Variants in ART3 observed in about 807,000 individuals in gnomAD.
ART3 encodes the protein ADP-ribosyltransferase 3 (inactive), also known as ecto-ADP-ribosyltransferase 3.
ART3 carries 49 observed loss-of-function variants against 48.5 expected under a neutral mutation model. That is an observed-to-expected ratio of 1.01 (90% CI 0.80 to 1.28). The LOEUF is 1.28. Among genes scored for constraint, ART3 ranks in the 50% most tolerant of loss-of-function variants. The probability of loss-of-function intolerance (pLI) is 0.00; values close to 1 mark genes in which losing one functional copy is unlikely to be tolerated. For synonymous variants in ART3, 145 were observed against 157.2 expected (o/e 0.92, Z 0.58); for missense variants, 438 against 454.3 (o/e 0.96, Z 0.33).
At chr4:76,096,646 T>G (rs144124054) in intron 3 of ART3, among the ~76,000 whole-genome samples, 2 of 152,242 alleles carry the variant, frequency 1.3e-5, no homozygotes, top group Non-Finnish European at 2.9e-5. Context: ...CTTACCTTAC[T>G]GCTGTTGGCT....
chr4:76,112,271 TA>T (rs1316398895), intron 11 of ART3, 114 bp from the exon 12 acceptor site: 2 of 1,290,244 alleles, frequency 1.6e-6, no homozygotes, highest in Non-Finnish European at 2.1e-6. Context: ...GTATTTCAGG[TA>T]AGTTTCTACT....
intron 1 of ART3, chr4:76,036,999 G>C (rs1047448223): frequency 5.5e-6 from 1 of 180,192 alleles, no homozygotes; most frequent in African/African-American, 2.4e-5. Flanking sequence ...GCCTGGGCTT[G>C]CTCACATTCT....
chr4:76,078,472 C>T (rs968685433), intron 2 of ART3, among the ~76,000 whole-genome samples: 1 of 152,096 alleles, frequency 6.6e-6, no homozygotes, highest in Admixed American at 6.6e-5. Context: ...AAGTGCATTT[C>T]TTGGCTATGA....
At chr4:76,018,883 C>A (rs966446962) in intron 1 of ART3, among the ~76,000 whole-genome samples, 2 of 150,948 alleles carry the variant, frequency 1.3e-5, no homozygotes, top group South Asian at 2.1e-4. Flanking sequence ...CCAAAAATAC[C>A]AAAAAAAATT....
intron 1 of ART3, among the ~76,000 whole-genome samples, chr4:76,047,255 TG>T (rs1479557279): frequency 6.6e-6 from 1 of 152,042 alleles, no homozygotes; most frequent in African/African-American, 2.4e-5. Flanking sequence ...AAGGCTTGTT[TG>T]TCTGAGGGCC....
chr4:76,078,008 C>A (rs1212477781), intron 2 of ART3, among the ~76,000 whole-genome samples: 1 of 150,972 alleles, frequency 6.6e-6, no homozygotes, highest in Non-Finnish European at 1.5e-5. Flanking sequence ...TAGCCAGTTT[C>A]TCTCCTTGAC....
chr4:76,082,051 G>A lies in ART3; in HGVS notation c.297G>A (p.Met99Ile), dbSNP rs1238952599. The A allele has an allele frequency of 6.2e-7, 1 of 1,614,042 alleles. No individual in the cohort carries two copies. The highest frequency in any genetic ancestry group is 8.5e-7 in the Non-Finnish European group (1 of 1,180,042). ...AGGATAACCATGGAATAGCCCTGAT[G>A]GCATATATTTCCGAAGCTCAAGAGC... ...NFKDNHGIAL[M>I]AYISEAQEQT... Residue 99 changes from methionine to isoleucine, a missense_variant, in exon 3 of 12, where the codon ATG becomes ATA. Transcript: ENST00000355810.
chr4:76,034,280 T>TA (rs747936495), intron 1 of ART3: 10 of 396,576 alleles, frequency 2.5e-5, no homozygotes, highest in Non-Finnish European at 4.4e-5. Context: ...GCTTTTGACT[T>TA]ATAAGGGCTT....
intron 1 of ART3, among the ~76,000 whole-genome samples, chr4:76,050,044 C>A (rs996909555): frequency 6.8e-6 from 1 of 147,098 alleles, no homozygotes; most frequent in African/African-American, 2.5e-5. Context: ...TCCCGGTGGG[C>A]TTATGGTCTC....
intron 1 of ART3, among the ~76,000 whole-genome samples, chr4:76,061,927 G>A (rs930757100): frequency 1.6e-4 from 25 of 152,204 alleles, no homozygotes; most frequent in African/African-American, 6.0e-4. Context: ...ATTTTTACAC[G>A]AATTTCTAGA....
Position 76,100,974 on chromosome 4 carries a change from T to G in ART3, c.908-16T>G, listed in dbSNP as rs746045227. 6.2e-7 allele frequency: 1 copy of G among 1,613,162 alleles called. No homozygotes were observed. The highest frequency in any genetic ancestry group is 8.5e-7 in the Non-Finnish European group (1 of 1,179,820). On this transcript the variant is annotated splice_polypyrimidine_tract_variant and intron_variant, in intron 7 of 11. Coordinates refer to ENST00000355810, the MANE Select transcript of ART3 (RefSeq NM_001130016.3). ...GTTCCATTGTTAAAACTGATAAGCT[T>G]CTTTTTGTAACTCAGGTGAGAAAAA...
chr4:76,021,606 T>C (rs1282023745), intron 1 of ART3: 3 of 246,210 alleles, frequency 1.2e-5, no homozygotes, highest in Non-Finnish European at 2.0e-5. Flanking sequence ...GAAAGATTCC[T>C]TAGTACCCTT....
chr4:76,035,798 C>T (rs1734336123), intron 1 of ART3: 1 of 757,506 alleles, frequency 1.3e-6, no homozygotes, highest in Non-Finnish European at 2.2e-6. Context: ...TGTGCTAAAG[C>T]TGTAGTAACT....
chr4:76,039,990 T>C (rs1239782958), intron 1 of ART3, among the ~76,000 whole-genome samples: 1 of 152,226 alleles, frequency 6.6e-6, no homozygotes, highest in Non-Finnish European at 1.5e-5. Flanking sequence ...TTCTATTGTT[T>C]TATTTTCTTC....
chr4:76,107,697 G>T, intron 10 of ART3, 64 bp from the exon 11 acceptor site: 1 of 1,172,414 alleles, frequency 8.5e-7, no homozygotes, highest in South Asian at 1.4e-5. Context: ...TTTTTAATCA[G>T]ATCTTTCTTT....
intron 1 of ART3, chr4:76,036,850 A>G (rs1256573862): frequency 8.5e-6 from 2 of 235,302 alleles, no homozygotes; most frequent in Non-Finnish European, 1.8e-5. Flanking sequence ...CCTTTTCTTG[A>G]TGAATTTGAG....
chr4:76,082,406 G>C lies in ART3; in HGVS notation c.652G>C (p.Glu218Gln), dbSNP rs1560626291. 6.2e-7 allele frequency: 1 copy of C among 1,614,062 alleles called. No homozygotes were observed. Among genetic ancestry groups the C allele is most frequent in the Admixed American group, 1.7e-5 (1 of 60,020 alleles). ...TGACATTGAAAATTTTCTTGATAAA[G>C]AAAGTGAAAGAATTACTTTAATACC... ...GVDIENFLDK[E>Q]SERITLIPLN... The change falls in exon 3 of 12, where the codon GAA becomes CAA. Residue 218 changes from glutamate (E) to glutamine (Q), a missense_variant. Coordinates refer to ENST00000355810, the MANE Select transcript of ART3 (RefSeq NM_001130016.3).
intron 1 of ART3, among the ~76,000 whole-genome samples, chr4:76,052,490 T>C (rs1736207045): frequency 1.3e-5 from 2 of 152,156 alleles, no homozygotes; most frequent in South Asian, 4.1e-4. Context: ...GATACAAATA[T>C]AATTTTGTTA....
chr4:76,047,092 C>T (rs1237304400), intron 1 of ART3, among the ~76,000 whole-genome samples: 6 of 151,986 alleles, frequency 3.9e-5, no homozygotes, highest in Admixed American at 1.3e-4. Flanking sequence ...GGCAGTGCAC[C>T]TTCCAGTGAT....
Sources: allele counts gnomAD v4.1 joint callset (sites outside exome capture counted in the v4.1 genomes callset), GRCh38; gene constraint gnomAD v4.1.1; transcripts MANE v1.5; gene names NCBI Gene and HGNC (gene_info 2026-07-23, HGNC 2026-07-21).